OR6N1: variants seen among roughly 807,000 people sequenced by gnomAD.
The protein encoded by OR6N1 is olfactory receptor family 6 subfamily N member 1.
For missense variants in OR6N1, 394 were observed against 371.7 expected (o/e 1.06, Z -0.49); for synonymous variants, 170 against 150.7 (o/e 1.13, Z -0.94).
the OR6N1 span, among the ~76,000 whole-genome samples, chr1:158,784,038 G>A: frequency 1.2e-4 from 18 of 152,048 alleles, no homozygotes; most frequent in African/African-American, 2.2e-4. Context: ...ACCGGGAGGC[G>A]GAGCTTGCAG....
Position 158,766,069 on chromosome 1 carries a change from C to A in OR6N1, c.614G>T (p.Cys205Phe), listed in dbSNP as rs755488216. ...NVLVDFVINS[C>F]KILATFLLIL... is the part of the protein sequence containing the mutation. The stretch of plus-strand genomic sequence containing the variant: ...CAGCAGGAAGGTGGCTAGGATCTTG[C>A]AGGAATTTATAACAAAATCTACTAG... The change falls in exon 2 of 2, where the codon TGC becomes TTC. Residue 205 changes from cysteine (C) to phenylalanine (F), a missense_variant. Cys to Phe is a radical substitution (Grantham distance 205, BLOSUM62 -2). Transcript: ENST00000641846. 2 of 1,614,140 alleles carry A rather than the reference C, an allele frequency of 1.2e-6. No individual in the cohort carries two copies. The highest frequency in any genetic ancestry group is 1.7e-6 in the Non-Finnish European group (2 of 1,180,028).
At chr1:158,773,291 C>A (rs183590401), upstream of OR6N1, among the ~76,000 whole-genome samples, 78 of 151,882 alleles carry the variant, frequency 5.1e-4, no homozygotes, top group African/African-American at 1.8e-3. Context: ...GACTAGTATA[C>A]GTAGAGTTTA....
chr1:158,777,527 A>G, the OR6N1 span: 1 of 1,614,166 alleles, frequency 6.2e-7, no homozygotes, highest in Non-Finnish European at 8.5e-7. Flanking sequence ...CAGATGGTGA[A>G]CAGGTATGCC....
In OR6N1 at chr1:158,765,914, A is replaced by T. The variant is rs755583619; in HGVS notation, c.769T>A (p.Ser257Thr). Residue 257 changes from serine to threonine, a missense_variant, in exon 2 of 2, where the codon TCC becomes ACC. Transcript: ENST00000641846. ...CTCTTCTTCAGCTGCACATACATGG[A>T]AAGGATGCTCCCATAGAAGATGAGA... ...VVLIFYGSIL[S>T]MYVQLKKSYS... The T allele has an allele frequency of 6.2e-7, 1 of 1,614,048 alleles. No individual in the cohort carries two copies. Among genetic ancestry groups the T allele is most frequent in the African/African-American group, 1.3e-5 (1 of 74,934 alleles).
At position 158,766,203 on chromosome 1, in the gene OR6N1, A is replaced by G. The variant is rs1234220947; in HGVS notation, c.480T>C (p.Ile160=). 33 of 1,614,028 alleles carry G rather than the reference A, an allele frequency of 2.0e-5. No homozygotes were observed. The highest frequency in any genetic ancestry group is 2.6e-5 in the Non-Finnish European group (31 of 1,180,038). The change falls in exon 2 of 2, where the codon ATT becomes ATC. Residue 160 remains isoleucine, a synonymous_variant. Transcript: ENST00000641846. ...AGAATGGGAGGCGTGAAATCAAGGA[A>G]ATTTCAACTACTGGCCCAGCCAAGC... ...LGGLAGPVVE[I]SLISRLPFCG...
At chr1:158,784,115 A>G in the OR6N1 span, among the ~76,000 whole-genome samples, 1 of 151,758 alleles carries the variant, frequency 6.6e-6, no homozygotes, top group African/African-American at 2.4e-5. Flanking sequence ...AAAAAACAAA[A>G]AAAAGAAAAG....
At chr1:158,803,200 C>T in the OR6N1 span, among the ~76,000 whole-genome samples, 2 of 152,072 alleles carry the variant, frequency 1.3e-5, no homozygotes, top group Non-Finnish European at 2.9e-5. Context: ...CTGTAGGAGA[C>T]GGAAAGTTTC....
upstream of OR6N1, chr1:158,777,129 A>G: frequency 6.2e-7 from 1 of 1,614,204 alleles, no homozygotes; most frequent in South Asian, 1.1e-5. Context: ...CATTGTAAGC[A>G]CAAAATGGGA....
chr1:158,774,514 G>C (rs1657531062), upstream of OR6N1: 1 of 152,152 alleles, frequency 6.6e-6, no homozygotes. Context: ...TACCACAGCG[G>C]AGGGACCCAA....
the OR6N1 span, among the ~76,000 whole-genome samples, chr1:158,781,876 A>G: frequency 2.0e-5 from 3 of 152,344 alleles, no homozygotes; most frequent in African/African-American, 7.2e-5. Context: ...CTTCACAATT[A>G]CTCTGTGAAG....
chr1:158,787,984 C>G, the OR6N1 span, among the ~76,000 whole-genome samples: 1 of 152,096 alleles, frequency 6.6e-6, no homozygotes. Context: ...TTTGAGCAGA[C>G]CTGGTAAGGG....
the OR6N1 span, among the ~76,000 whole-genome samples, chr1:158,833,062 C>G: frequency 3.9e-5 from 6 of 152,198 alleles, no homozygotes; most frequent in Admixed American, 1.3e-4. Flanking sequence ...TCTTCTGGTC[C>G]CCCAAACATA....
At chr1:158,784,018 A>T in the OR6N1 span, among the ~76,000 whole-genome samples, 2 of 152,110 alleles carry the variant, frequency 1.3e-5, no homozygotes, top group African/African-American at 4.8e-5. Flanking sequence ...AGGCAGGAGA[A>T]TGGCATGAAA....
chr1:158,775,858 T>G (rs1657578340), upstream of OR6N1: 1 of 152,200 alleles, frequency 6.6e-6, no homozygotes, highest in Non-Finnish European at 1.5e-5. Context: ...AGCATCAAGC[T>G]TTCATGGTTA....
the OR6N1 span, among the ~76,000 whole-genome samples, chr1:158,814,254 T>G: frequency 6.6e-6 from 1 of 152,202 alleles, no homozygotes; most frequent in Non-Finnish European, 1.5e-5. Flanking sequence ...TAAGTATACA[T>G]ATATGTATAT....
the OR6N1 span, among the ~76,000 whole-genome samples, chr1:158,796,974 G>T: frequency 6.6e-6 from 1 of 151,756 alleles, no homozygotes; most frequent in East Asian, 1.9e-4. Flanking sequence ...TCAGAGTGCT[G>T]CCTGTCCAGG....
the OR6N1 span, among the ~76,000 whole-genome samples, chr1:158,790,518 C>T: frequency 1.3e-5 from 2 of 151,570 alleles, no homozygotes. Context: ...CATTCTCCTG[C>T]CTCAGCCTCC....
the OR6N1 span, among the ~76,000 whole-genome samples, chr1:158,813,572 C>T: frequency 1.5e-4 from 23 of 152,078 alleles, no homozygotes; most frequent in South Asian, 3.3e-3. Context: ...AAGTTGTTTC[C>T]TATTGTGAAT....
At chr1:158,808,624 A>T in the OR6N1 span, 1 of 153,158 alleles carries the variant, frequency 6.5e-6, no homozygotes, top group African/African-American at 2.4e-5. Context: ...AGGAACAGGT[A>T]GAGAAGGCCT....
Sources: allele counts gnomAD v4.1 joint callset (sites outside exome capture counted in the v4.1 genomes callset), GRCh38; gene constraint gnomAD v4.1.1; transcripts MANE v1.5; gene names NCBI Gene and HGNC (gene_info 2026-07-23, HGNC 2026-07-21).